ZC3H18: variants seen among roughly 807,000 people sequenced by gnomAD.
ZC3H18 encodes zinc finger CCCH domain-containing protein 18.
ZC3H18 carries 8 observed loss-of-function variants against 106.1 expected under a neutral mutation model. The ratio of observed to expected loss-of-function variants is 0.08; its 90% CI spans 0.04 to 0.14. ZC3H18 has a LOEUF of 0.14. Ranked by LOEUF, ZC3H18 falls within the 10% of genes least tolerant of loss-of-function variation. The probability of loss-of-function intolerance (pLI) is 1.00; values close to 1 mark genes in which losing one functional copy is unlikely to be tolerated. For missense variants in ZC3H18, 1,318 were observed against 1,278.4 expected, an observed-to-expected ratio of 1.03 and a Z score of -0.47; for synonymous variants, 635 against 522.1, an observed-to-expected ratio of 1.22 and a Z score of -2.95.
At chr16:88,628,169 C>T in intron 15 of ZC3H18, 50 bp downstream of exon 15, 1 of 1,588,156 alleles carries the variant, frequency 6.3e-7, no homozygotes, top group Non-Finnish European at 8.6e-7. Context: ...AGGCCTGGGT[C>T]CATCTGCTTC....
intron 3 of ZC3H18, among the ~76,000 whole-genome samples, chr16:88,593,970 G>A (rs987881792): frequency 2.6e-5 from 4 of 152,230 alleles, no homozygotes; most frequent in Non-Finnish European, 4.4e-5. Flanking sequence ...GAAAAGTGTG[G>A]TGATAGGGTT....
At chr16:88,620,652 G>A (rs773877701) in intron 8 of ZC3H18, among the ~76,000 whole-genome samples, 2 of 151,922 alleles carry the variant, frequency 1.3e-5, no homozygotes, top group African/African-American at 2.4e-5. Context: ...TTGTGTCTGG[G>A]TGGTGGTTGT....
chr16:88,624,351 C>G (rs539995403), intron 11 of ZC3H18: 1 of 669,692 alleles, frequency 1.5e-6, no homozygotes, highest in Admixed American at 2.9e-5. Context: ...GCCTGCTCTC[C>G]CCACTGCCTG....
At chr16:88,628,542 G>A (rs929157209) in intron 15 of ZC3H18, 3 of 580,534 alleles carry the variant, frequency 5.2e-6, no homozygotes, top group Non-Finnish European at 9.2e-6. Context: ...CCTGCAGGGT[G>A]CTTCCCCTGG....
chr16:88,601,921 G>A (rs530739551), intron 6 of ZC3H18, among the ~76,000 whole-genome samples: 2 of 152,130 alleles, frequency 1.3e-5, no homozygotes, highest in Non-Finnish European at 2.9e-5. Context: ...TCAGGGTTCT[G>A]CCAGGAGGGT....
chr16:88,605,264 A>T (rs925655892), intron 6 of ZC3H18, among the ~76,000 whole-genome samples: 3 of 152,254 alleles, frequency 2.0e-5, no homozygotes, highest in Non-Finnish European at 4.4e-5. Flanking sequence ...CCACAGTCCC[A>T]CAGACTCAGG....
rs1327200450 is a variant in ZC3H18, at chr16:88,614,819, G to A, written c.1475+3283G>A. 2.6e-5 allele frequency among the ~76,000 whole-genome samples: 4 copies of A among 152,336 alleles called. No homozygotes were observed. The East Asian group carries it at 7.7e-4, about 29-fold the overall frequency. On this transcript the variant is annotated intron_variant, in intron 8 of 17. Coordinates refer to ENST00000301011, the MANE Select transcript of ZC3H18 (RefSeq NM_144604.4). ...CTACAGCACACACAGTATTTTCAGT[G>A]TGCACTCAGCCTAAGGCTGCCTTCT...
chr16:88,605,902 C>T (rs552959838), intron 6 of ZC3H18, among the ~76,000 whole-genome samples: 3 of 152,376 alleles, frequency 2.0e-5, no homozygotes, highest in African/African-American at 4.8e-5. Flanking sequence ...GGGTTCTCCT[C>T]TCCAGCGAGG....
At chr16:88,618,080 C>G (rs934802636) in intron 8 of ZC3H18, among the ~76,000 whole-genome samples, 3 of 152,258 alleles carry the variant, frequency 2.0e-5, no homozygotes, top group Non-Finnish European at 4.4e-5. Flanking sequence ...GTGTTTGTAT[C>G]TGCTCTGCGC....
At chr16:88,609,474 A>G (rs950411962) in intron 7 of ZC3H18, among the ~76,000 whole-genome samples, 1 of 150,400 alleles carries the variant, frequency 6.6e-6, no homozygotes, top group Non-Finnish European at 1.5e-5. Context: ...ATTTTTTTGT[A>G]TTTTTTTTGT....
Position 88,577,648 on chromosome 16 carries a change from A to C in ZC3H18, c.525A>C (p.Gly175=). 1 of 1,613,952 alleles carries C rather than the reference A, an allele frequency of 6.2e-7. No homozygotes were observed. Among genetic ancestry groups the C allele is most frequent in the Non-Finnish European group, 8.5e-7 (1 of 1,180,042 alleles). The change falls in exon 2 of 18, where the codon GGA becomes GGC. Residue 175 remains glycine, a synonymous_variant. Coordinates refer to ENST00000301011, the MANE Select transcript of ZC3H18 (RefSeq NM_144604.4). ...EEGKAGVQSV[G]EKESLEAAKE... Reference sequence around the variant, plus strand: ...GGAAGGCTGGTGTTCAGAGTGTGGGAGAAAAGGAATCCCTGGAGGCTGCCA... The same window carrying C: ...GGAAGGCTGGTGTTCAGAGTGTGGGCGAAAAGGAATCCCTGGAGGCTGCCA...
chr16:88,622,104 A>G (rs1906001650), intron 8 of ZC3H18, 93 bp from the exon 9 acceptor site: 2 of 1,398,468 alleles, frequency 1.4e-6, no homozygotes, highest in Non-Finnish European at 1.9e-6. Context: ...TAAGCCAGGT[A>G]TGAGATCCAT....
chr16:88,617,961 T>G (rs1273230999), intron 8 of ZC3H18, among the ~76,000 whole-genome samples: 1 of 152,244 alleles, frequency 6.6e-6, no homozygotes, highest in Non-Finnish European at 1.5e-5. Context: ...GATTTGTGAC[T>G]CCCCTAGAAA....
intron 8 of ZC3H18, among the ~76,000 whole-genome samples, chr16:88,620,670 A>G (rs1180192312): frequency 1.3e-5 from 2 of 151,938 alleles, no homozygotes; most frequent in African/African-American, 2.4e-5. Flanking sequence ...TGTGGTTCTT[A>G]GTGGTGACAC....
At chr16:88,623,602 C>T (rs758006737) in intron 10 of ZC3H18, 32 of 585,964 alleles carry the variant, frequency 5.5e-5, no homozygotes, top group Non-Finnish European at 7.7e-5. Flanking sequence ...TCCAGTCCTC[C>T]GCAGACAGGC....
At chr16:88,616,497 C>T (rs1905614452) in intron 8 of ZC3H18, among the ~76,000 whole-genome samples, 1 of 152,200 alleles carries the variant, frequency 6.6e-6, no homozygotes, top group Non-Finnish European at 1.5e-5. Flanking sequence ...GTCTTGGCTT[C>T]ACTCACCTTT....
chr16:88,598,827 C>T (rs1904592384), intron 5 of ZC3H18, 115 bp downstream of exon 5: 10 of 903,002 alleles, frequency 1.1e-5, no homozygotes, highest in African/African-American at 6.8e-5. Flanking sequence ...TGAAGTTAGG[C>T]GTCTGTTTCT....
Position 88,625,270 on chromosome 16 carries a change from C to T in ZC3H18, c.2108+3C>T. ...AGTGGTTCCAGCTCCCGATCCAGGTCATCCCCATCACCCTGTGCCTCTGTT... is the reference window on the plus strand; with the variant it reads ...AGTGGTTCCAGCTCCCGATCCAGGTTATCCCCATCACCCTGTGCCTCTGTT... On this transcript the variant is annotated splice_donor_region_variant and intron_variant, in intron 13 of 17. Coordinates refer to ENST00000301011, the MANE Select transcript of ZC3H18 (RefSeq NM_144604.4). 6.3e-7 allele frequency: 1 copy of T among 1,584,872 alleles called. No individual in the cohort carries two copies. The highest frequency in any genetic ancestry group is 1.3e-5 in the African/African-American group (1 of 74,228).
At chr16:88,580,195 T>A (rs962332849) in intron 2 of ZC3H18, among the ~76,000 whole-genome samples, 7,879 of 99,382 alleles carry the variant, frequency 0.079, 242 homozygotes, top group Non-Finnish European at 0.11. Context: ...TGTGTGTGTG[T>A]GTGTGTGTGT....
Sources: allele counts gnomAD v4.1 joint callset (sites outside exome capture counted in the v4.1 genomes callset), GRCh38; gene constraint gnomAD v4.1.1; transcripts MANE v1.5; gene names NCBI Gene and HGNC (gene_info 2026-07-23, HGNC 2026-07-21).